MCC: variants seen among roughly 807,000 people sequenced by gnomAD.
MCC encodes the protein colorectal mutant cancer protein.
Under a neutral mutation model 116.2 loss-of-function variants are expected in MCC, and 90 were observed. The ratio of observed to expected loss-of-function variants is 0.77; its 90% CI spans 0.65 to 0.92. The LOEUF (loss-of-function observed/expected upper bound fraction) is 0.92. MCC is among the 40% of genes least tolerant of loss of function. The probability of loss-of-function intolerance (pLI) is 0.00; values close to 1 mark genes in which losing one functional copy is unlikely to be tolerated. For missense variants in MCC, 1,516 were observed against 1,312.2 expected (o/e 1.16, Z -2.40); for synonymous variants, 578 against 510.5 (o/e 1.13, Z -1.78).
intron 8 of MCC, among the ~76,000 whole-genome samples, chr5:113,088,902 G>A (rs1366170379): frequency 6.6e-6 from 1 of 152,036 alleles, no homozygotes; most frequent in Non-Finnish European, 1.5e-5. Context: ...TCCCGTTTTA[G>A]CCTCCCAAGT....
At chr5:113,443,481 C>CT (rs1366906400) in intron 1 of MCC, among the ~76,000 whole-genome samples, 1 of 152,080 alleles carries the variant, frequency 6.6e-6, no homozygotes, top group Non-Finnish European at 1.5e-5. Flanking sequence ...ATTTGAATAC[C>CT]TTTTTTTCTT....
chr5:113,164,556 T>C (rs929911104), intron 3 of MCC, among the ~76,000 whole-genome samples: 3 of 152,220 alleles, frequency 2.0e-5, no homozygotes, highest in African/African-American at 7.2e-5. Context: ...TCTGCCTAGC[T>C]CATTCTTACG....
At chr5:113,246,586 G>A (rs1281115994) in intron 3 of MCC, among the ~76,000 whole-genome samples, 2 of 152,200 alleles carry the variant, frequency 1.3e-5, no homozygotes, top group African/African-American at 4.8e-5. Flanking sequence ...ATCCTATTTT[G>A]GATACAGAGG....
chr5:113,467,863 G>A (rs571942851), intron 1 of MCC, among the ~76,000 whole-genome samples: 1 of 152,260 alleles, frequency 6.6e-6, no homozygotes, highest in South Asian at 2.1e-4. Flanking sequence ...ATTTCATTGA[G>A]CAGTGGTTTG....
intron 3 of MCC, among the ~76,000 whole-genome samples, chr5:113,191,265 C>T (rs1762136564): frequency 6.6e-6 from 1 of 151,998 alleles, no homozygotes; most frequent in African/African-American, 2.4e-5. Flanking sequence ...TTTTTCTGAC[C>T]CTTCTTCTTC....
At chr5:113,416,515 G>T (rs1316974583) in intron 1 of MCC, among the ~76,000 whole-genome samples, 4 of 152,006 alleles carry the variant, frequency 2.6e-5, no homozygotes, top group African/African-American at 9.7e-5. Flanking sequence ...AATAATAATT[G>T]TTATGTAAAA....
At chr5:113,131,090 A>G (rs1033385469) in intron 5 of MCC, among the ~76,000 whole-genome samples, 1 of 152,208 alleles carries the variant, frequency 6.6e-6, no homozygotes, top group Non-Finnish European at 1.5e-5. Flanking sequence ...GATGCCACAC[A>G]GCAGCAGTGA....
intron 14 of MCC, among the ~76,000 whole-genome samples, chr5:113,060,469 G>T (rs562571508): frequency 4.5e-4 from 68 of 152,238 alleles, no homozygotes; most frequent in African/African-American, 1.6e-3. Flanking sequence ...CTCATTTTTA[G>T]AAGGAAAGTG....
intron 8 of MCC, 133 bp downstream of exon 8, chr5:113,101,606 A>T: frequency 4.7e-6 from 4 of 852,378 alleles, no homozygotes; most frequent in Non-Finnish European, 7.4e-6. Flanking sequence ...AGGACTTCAT[A>T]ACAGGAAAGA....
At chr5:113,204,562 G>T (rs1762827922) in intron 3 of MCC, 1 of 152,168 alleles carries the variant, frequency 6.6e-6, no homozygotes, top group Non-Finnish European at 1.5e-5. Context: ...GTTCAACGCA[G>T]TTAGGCAGAT....
chr5:113,105,999 C>T (rs1238454785), intron 6 of MCC, among the ~76,000 whole-genome samples: 1 of 152,196 alleles, frequency 6.6e-6, no homozygotes, highest in Non-Finnish European at 1.5e-5. Context: ...ATCACAATCT[C>T]TGGGGGTTGG....
At chr5:113,201,342 C>A (rs1218248342) in intron 3 of MCC, among the ~76,000 whole-genome samples, 1 of 147,886 alleles carries the variant, frequency 6.8e-6, no homozygotes, top group Non-Finnish European at 1.5e-5. Context: ...GCTGAGATTA[C>A]GCCATTGCAC....
chr5:113,233,027 A>G (rs1763993501), intron 3 of MCC, among the ~76,000 whole-genome samples: 1 of 152,188 alleles, frequency 6.6e-6, no homozygotes, highest in South Asian at 2.1e-4. Context: ...ACAGGGCTAA[A>G]TGAAATACCT....
chr5:113,038,806 AG>A (rs1264872497), intron 17 of MCC, among the ~76,000 whole-genome samples: 2 of 151,934 alleles, frequency 1.3e-5, no homozygotes, highest in Non-Finnish European at 2.9e-5. Context: ...TTCAGCAGAG[AG>A]GGGAAAGGAA....
chr5:113,477,556 T>C (rs1014196936), intron 1 of MCC, among the ~76,000 whole-genome samples: 1 of 152,190 alleles, frequency 6.6e-6, no homozygotes, highest in African/African-American at 2.4e-5. Context: ...AGGCAGTCTA[T>C]ATGCTGCAGA....
chr5:113,134,499 A>C (rs1488262128), intron 5 of MCC, among the ~76,000 whole-genome samples: 6 of 137,506 alleles, frequency 4.4e-5, no homozygotes, highest in Admixed American at 7.3e-5. Flanking sequence ...GAACTCAAGT[A>C]GTGTGATCCC....
intron 1 of MCC, among the ~76,000 whole-genome samples, chr5:113,474,913 C>A (rs535614863): frequency 6.6e-6 from 1 of 152,228 alleles, no homozygotes; most frequent in Admixed American, 6.5e-5. Context: ...CAAATAAAGC[C>A]CTCTCTTGAA....
In MCC at chr5:113,132,449, C is replaced by CATATATATATATAT. The variant is rs1237730823; in HGVS notation, c.885-9624_885-9623insATATATATATATAT. Reference sequence around the variant, plus strand: ...ATACATATATATATATATATACACACACACACACACACACACACACACACA... The same window carrying CATATATATATATAT: ...ATACATATATATATATATATACACACATATATATATATATACACACACACACACACACACACACA... On this transcript the variant is annotated intron_variant, in intron 5 of 18. Coordinates refer to ENST00000408903, the MANE Select transcript of MCC (RefSeq NM_001085377.2). 6.3e-5 allele frequency among the ~76,000 whole-genome samples: 7 copies of CATATATATATATAT among 111,074 alleles called. No homozygotes were observed. The South Asian group carries it at 1.7e-3, about 27-fold the overall frequency. 72.9% of individuals were successfully genotyped at this position (111,074 alleles called of 152,430 possible).
chr5:113,298,219 A>G (rs2150363874), intron 3 of MCC, among the ~76,000 whole-genome samples: 1 of 152,368 alleles, frequency 6.6e-6, no homozygotes, highest in South Asian at 2.1e-4. Context: ...AAAAGAGGAA[A>G]TGATACAGAA....
Sources: gnomAD v4.1 joint callset for allele counts (sites outside exome capture counted in the v4.1 genomes callset) on GRCh38, gnomAD v4.1.1 for gene constraint, MANE v1.5 for transcripts, NCBI Gene and HGNC (gene_info 2026-07-23, HGNC 2026-07-21) for gene names.